Variants in ATP1B1 observed in about 807,000 individuals in gnomAD.
ATP1B1 encodes sodium/potassium-transporting ATPase subunit beta-1.
Under a neutral mutation model 39.6 loss-of-function variants are expected in ATP1B1, and 3 were observed. The observed-to-expected ratio is 0.08, with a 90% CI of 0.03 to 0.20. The LOEUF is 0.20. ATP1B1 is among the 10% of genes least tolerant of loss of function. ATP1B1 has a pLI of 1.00. For synonymous variants in ATP1B1, 139 were observed against 135.0 expected, an observed-to-expected ratio of 1.03 and a Z score of -0.20; for missense variants, 216 against 371.1, an observed-to-expected ratio of 0.58 and a Z score of 3.43.
chr1:169,122,204 C>T (rs770190345), intron 2 of ATP1B1, among the ~76,000 whole-genome samples: 4 of 152,176 alleles, frequency 2.6e-5, no homozygotes, highest in South Asian at 2.1e-4. Context: ...TCAGCATGAC[C>T]GTCCCTCAAG....
intron 2 of ATP1B1, among the ~76,000 whole-genome samples, chr1:169,118,823 C>T (rs1657912331): frequency 6.6e-6 from 1 of 152,106 alleles, no homozygotes; most frequent in Non-Finnish European, 1.5e-5. Flanking sequence ...GTGCCCTTCT[C>T]AGTCATATGG....
intron 2 of ATP1B1, among the ~76,000 whole-genome samples, chr1:169,117,332 G>A (rs775210790): frequency 1.3e-5 from 2 of 152,146 alleles, no homozygotes; most frequent in African/African-American, 2.4e-5. Flanking sequence ...GTTTGTGGGG[G>A]GAACTCTGTT....
intron 2 of ATP1B1, among the ~76,000 whole-genome samples, chr1:169,115,044 T>G (rs944259720): frequency 1.3e-5 from 2 of 151,500 alleles, no homozygotes; most frequent in African/African-American, 4.9e-5. Flanking sequence ...AATTAGCCTG[T>G]CGTAGTGGCG....
intron 4 of ATP1B1, among the ~76,000 whole-genome samples, chr1:169,129,467 T>C (rs376579747): frequency 6.6e-6 from 1 of 152,174 alleles, no homozygotes; most frequent in African/African-American, 2.4e-5. Context: ...TTTTACATAT[T>C]GGACTTTCCT....
At position 169,124,971 on chromosome 1, in the gene ATP1B1, T is replaced by A. The variant is rs1197750776; in HGVS notation, c.314T>A (p.Ile105Lys). The A allele has an allele frequency of 6.2e-7, 1 of 1,613,842 alleles. No homozygotes were observed. The highest frequency in any genetic ancestry group is 8.5e-7 in the Non-Finnish European group (1 of 1,179,976). ...AGCTATGAGGCATATGTACTGAACATAGTTAGGTTCCTGGAAAAGTACAAA... is the reference window on the plus strand; with the variant it reads ...AGCTATGAGGCATATGTACTGAACAAAGTTAGGTTCCTGGAAAAGTACAAA... The part of the protein sequence containing the change: ...PKSYEAYVLN[I>K]VRFLEKYKDS... Residue 105 changes from isoleucine to lysine, a missense_variant, in exon 3 of 6, where the codon ATA becomes AAA. Ile to Lys is a moderately radical substitution (Grantham distance 102). Coordinates refer to ENST00000367815, the MANE Select transcript of ATP1B1 (RefSeq NM_001677.4).
In ATP1B1 at chr1:169,127,385, C is replaced by A. The variant is rs1658111049; in HGVS notation, c.544C>A (p.Arg182=). The A allele has an allele frequency of 6.2e-7, 1 of 1,611,372 alleles. No individual in the cohort carries two copies. Among genetic ancestry groups the A allele is most frequent in the Admixed American group, 1.7e-5 (1 of 59,452 alleles). Residue 182 remains arginine (R), a synonymous_variant, in exon 4 of 6, where the codon CGA becomes AGA. Transcript: ENST00000367815. Reference sequence around the variant, plus strand: ...ACCGTGCATTATTATAAAGCTCAACCGAGTTCTAGGCTTCAAACCTAAGGC... The same window carrying A: ...ACCGTGCATTATTATAAAGCTCAACAGAGTTCTAGGCTTCAAACCTAAGGC... ...GKPCIIIKLN[R]VLGFKPKPPK...
At chr1:169,124,274 G>C (rs1658044151) in intron 2 of ATP1B1, among the ~76,000 whole-genome samples, 1 of 152,188 alleles carries the variant, frequency 6.6e-6, no homozygotes, top group African/African-American at 2.4e-5. Flanking sequence ...AGATTGGAAA[G>C]CATTTGTGGT....
chr1:169,114,119 C>G (rs1197398672), intron 2 of ATP1B1, among the ~76,000 whole-genome samples: 4 of 117,030 alleles, frequency 3.4e-5, no homozygotes, highest in Non-Finnish European at 5.6e-5. Flanking sequence ...CCCTTATGGC[C>G]CTGTGTTGCC....
At chr1:169,112,317 G>C (rs539946548) in intron 2 of ATP1B1, among the ~76,000 whole-genome samples, 2 of 152,368 alleles carry the variant, frequency 1.3e-5, no homozygotes, top group Non-Finnish European at 2.9e-5. Flanking sequence ...CATCATGCCT[G>C]ATGCTGATAG....
intron 1 of ATP1B1, chr1:169,110,645 A>G: frequency 1.6e-6 from 2 of 1,286,814 alleles, no homozygotes; most frequent in Non-Finnish European, 2.0e-6. Context: ...GAAAAAGAAA[A>G]TGCAGCCCAG....
intron 1 of ATP1B1, chr1:169,110,595 AG>A: frequency 1.5e-6 from 1 of 670,014 alleles, no homozygotes; most frequent in Non-Finnish European, 1.9e-6. Context: ...TTGCTTTTGC[AG>A]CTATTTCAGC....
intron 1 of ATP1B1, among the ~76,000 whole-genome samples, chr1:169,109,976 G>GA (rs917487208): frequency 1.3e-5 from 2 of 152,078 alleles, no homozygotes; most frequent in African/African-American, 4.8e-5. Context: ...GGGAGTGATT[G>GA]AGTTGGGTGC....
At chr1:169,115,351 CTT>C (rs536780262) in intron 2 of ATP1B1, among the ~76,000 whole-genome samples, 15 of 138,622 alleles carry the variant, frequency 1.1e-4, no homozygotes, top group Non-Finnish European at 9.4e-5. Flanking sequence ...TTCTTTTTTT[CTT>C]TTTTTTTTTT....
chr1:169,125,083 C>G lies in ATP1B1; in HGVS notation c.382+44C>G, dbSNP rs550448239. The G allele has an allele frequency of 8.9e-5, 137 of 1,539,382 alleles. 1 individual carries two copies. The South Asian group carries it at 1.7e-3, about 19-fold the overall frequency. On this transcript the variant is annotated intron_variant, in intron 3 of 5. Coordinates refer to ENST00000367815, the MANE Select transcript of ATP1B1 (RefSeq NM_001677.4). ...GATGTCTGTGGCTAGTTTTCTTTCTCTTTAACTCTTATTTCCCACTTCTAT... is the reference window on the plus strand; with the variant it reads ...GATGTCTGTGGCTAGTTTTCTTTCTGTTTAACTCTTATTTCCCACTTCTAT...
At chr1:169,110,739 T>C (rs1571219042) in intron 1 of ATP1B1, 1 of 1,208,560 alleles carries the variant, frequency 8.3e-7, no homozygotes, top group Non-Finnish European at 1.1e-6. Context: ...TTTCTTTTTT[T>C]CCCCTTGTCT....
chr1:169,125,351 C>A, intron 3 of ATP1B1, among the ~76,000 whole-genome samples: 1 of 152,160 alleles, frequency 6.6e-6, no homozygotes, highest in Non-Finnish European at 1.5e-5. Context: ...AAAAGTACAG[C>A]TACTTATTTC....
At chr1:169,121,019 C>G (rs1657971394) in intron 2 of ATP1B1, among the ~76,000 whole-genome samples, 1 of 148,908 alleles carries the variant, frequency 6.7e-6, no homozygotes, top group Non-Finnish European at 1.5e-5. Flanking sequence ...GCTGTCTCAG[C>G]TCACTGCAAC....
At chr1:169,110,662 A>T (rs770977638) in intron 1 of ATP1B1, 1 of 1,284,584 alleles carries the variant, frequency 7.8e-7, no homozygotes, top group South Asian at 1.2e-5. Flanking sequence ...CCAGCAAGTC[A>T]GTCATTATTC....
Position 169,132,028 on chromosome 1 carries a change from T to G in ATP1B1, c.*473T>G. ...TAAAACTGGCATGGTAATTTTTTTT[T>G]TTTTTTTTTTTTTGTTTTTTGGCTC... On this transcript the variant is annotated 3_prime_UTR_variant, in exon 6 of 6. Coordinates refer to ENST00000367815, the MANE Select transcript of ATP1B1 (RefSeq NM_001677.4). 4.0e-6 allele frequency: 1 copy of G among 251,032 alleles called. No homozygotes were observed. The highest frequency in any genetic ancestry group is 4.1e-5 in the South Asian group (1 of 24,438). 15.6% of individuals were successfully genotyped at this position (251,032 alleles called of 1,614,324 possible).
Sources: gnomAD v4.1 joint callset for allele counts (sites outside exome capture counted in the v4.1 genomes callset) on GRCh38, gnomAD v4.1.1 for gene constraint, MANE v1.5 for transcripts, NCBI Gene and HGNC (gene_info 2026-07-23, HGNC 2026-07-21) for gene names.